PUDP: variants seen among roughly 807,000 people sequenced by gnomAD.
PUDP encodes pseudouridine 5'-phosphatase.
PUDP carries 8 observed loss-of-function variants against 9.4 expected under a neutral mutation model. The ratio of observed to expected loss-of-function variants is 0.85; its 90% CI spans 0.50 to 1.53. The LOEUF is 1.53. Among genes scored for constraint, PUDP ranks in the 40% most tolerant of loss-of-function variants. The probability of loss-of-function intolerance (pLI) is 0.00; values close to 1 mark genes in which losing one functional copy is unlikely to be tolerated. For synonymous variants in PUDP, 99 were observed against 80.7 expected (o/e 1.23, Z -1.22); for missense variants, 188 against 189.7 (o/e 0.99, Z 0.05).
chrX:6,969,694 T>G lies in PUDP; in HGVS notation c.*247+7439A>C, dbSNP rs748095410. Among the ~76,000 whole-genome samples the G allele has an allele frequency of 2.7e-5, 3 of 111,664 alleles. No homozygotes were observed. In the Admixed American group the frequency reaches 2.9e-4, roughly 11 times the overall value. On this transcript the variant is annotated intron_variant and NMD_transcript_variant, in intron 3 of 3. Coordinates refer to the PUDP transcript ENST00000655425. Reference sequence around the variant, plus strand: ...GATTTCGAAACCAGCCTGAGCAACATAGAAAGATCCAGTGTTGACAAGAAA... The same window carrying G: ...GATTTCGAAACCAGCCTGAGCAACAGAGAAAGATCCAGTGTTGACAAGAAA...
chrX:7,010,715 G>A (rs1190069290), intron 1 of PUDP, among the ~76,000 whole-genome samples: 2 of 111,482 alleles, frequency 1.8e-5, no homozygotes, highest in Admixed American at 1.9e-4. Flanking sequence ...TAATGCTATG[G>A]GGTGAGATCT....
chrX:6,865,195 A>C, intron 3 of PUDP, among the ~76,000 whole-genome samples: 1 of 111,899 alleles, frequency 8.9e-6, no homozygotes, highest in Middle Eastern at 4.6e-3. Context: ...GATCAGGGTT[A>C]TTATAGTTAG....
intron 3 of PUDP, among the ~76,000 whole-genome samples, chrX:7,071,258 C>T (rs1930722036): frequency 2.7e-5 from 3 of 111,293 alleles, no homozygotes; most frequent in African/African-American, 9.8e-5. Context: ...TAACTTTTGA[C>T]ATTACTTATT....
At chrX:6,761,106 T>C (rs996337493) in intron 3 of PUDP, among the ~76,000 whole-genome samples, 3 of 111,862 alleles carry the variant, frequency 2.7e-5, no homozygotes, top group East Asian at 2.8e-4. Flanking sequence ...TCTAACCCCA[T>C]AGCATTGTTT....
intron 1 of PUDP, among the ~76,000 whole-genome samples, chrX:7,123,869 C>T (rs1932409579): frequency 8.9e-6 from 1 of 111,927 alleles, no homozygotes; most frequent in African/African-American, 3.2e-5. Flanking sequence ...ATATATGAAC[C>T]TAACCACAGA....
chrX:7,060,587 A>G (rs769861661), intron 3 of PUDP, among the ~76,000 whole-genome samples: 1 of 112,102 alleles, frequency 8.9e-6, no homozygotes, highest in African/African-American at 3.2e-5. Context: ...AGGCATGGAC[A>G]CCTATCTTCA....
At chrX:7,001,988 A>G (rs1929331442) in intron 1 of PUDP, among the ~76,000 whole-genome samples, 1 of 111,760 alleles carries the variant, frequency 8.9e-6, no homozygotes, top group Non-Finnish European at 1.9e-5. Flanking sequence ...AACAAACTTC[A>G]GTTTGTCAAA....
intron 3 of PUDP, among the ~76,000 whole-genome samples, chrX:6,955,491 G>A (rs150742348): frequency 0.01 from 1,128 of 111,422 alleles, 17 homozygotes; most frequent in African/African-American, 0.035. Context: ...GTTTGTGTAT[G>A]CAGACACCAA....
intron 3 of PUDP, among the ~76,000 whole-genome samples, chrX:6,869,940 C>G (rs1192530284): frequency 1.8e-5 from 2 of 111,345 alleles, no homozygotes; most frequent in African/African-American, 6.5e-5. Context: ...ATCAGGGTAT[C>G]AAAAACATAT....
chrX:7,037,534 G>A (rs1344334872), intron 1 of PUDP, among the ~76,000 whole-genome samples: 1 of 111,898 alleles, frequency 8.9e-6, no homozygotes, highest in Non-Finnish European at 1.9e-5. Flanking sequence ...GGTCCACTCT[G>A]CCTGAGTCAC....
chrX:7,046,963 T>C (rs1055156891), downstream of PUDP, among the ~76,000 whole-genome samples: 6 of 112,158 alleles, frequency 5.3e-5, no homozygotes, highest in African/African-American at 1.9e-4. Flanking sequence ...TATGGGCATT[T>C]TGCAATGAAG....
intron 3 of PUDP, among the ~76,000 whole-genome samples, chrX:6,951,315 C>T (rs955713607): frequency 2.7e-5 from 3 of 110,269 alleles, no homozygotes; most frequent in African/African-American, 9.9e-5. Context: ...TCCATTATAT[C>T]TACCCATCCA....
intron 3 of PUDP, among the ~76,000 whole-genome samples, chrX:6,848,103 C>T (rs1926775303): frequency 1.8e-5 from 2 of 111,948 alleles, no homozygotes; most frequent in Non-Finnish European, 1.9e-5. Context: ...TACATCTTCA[C>T]TAAACAATTA....
At chrX:6,911,895 T>G (rs1927855714) in intron 3 of PUDP, among the ~76,000 whole-genome samples, 1 of 112,141 alleles carries the variant, frequency 8.9e-6, no homozygotes. Context: ...TGAATTCTCT[T>G]TGTTTGTCCG....
chrX:7,099,520 A>G, intron 2 of PUDP, among the ~76,000 whole-genome samples: 1 of 112,656 alleles, frequency 8.9e-6, no homozygotes, highest in African/African-American at 3.2e-5. Context: ...CTAACTGCTC[A>G]AAAGGATTTC....
At chrX:7,048,218 G>A (rs759704815), downstream of PUDP, among the ~76,000 whole-genome samples, 47 of 111,983 alleles carry the variant, frequency 4.2e-4, no homozygotes, top group Non-Finnish European at 8.1e-4. Context: ...TCCTTCCTAG[G>A]GGCACACAAT....
intron 1 of PUDP, among the ~76,000 whole-genome samples, chrX:7,026,151 G>A (rs1929706626): frequency 9.0e-6 from 1 of 111,551 alleles, no homozygotes; most frequent in Non-Finnish European, 1.9e-5. Context: ...TCTTTATCTC[G>A]ACCTTCCAAG....
At chrX:7,120,651 C>T (rs1932318099) in intron 1 of PUDP, among the ~76,000 whole-genome samples, 1 of 112,149 alleles carries the variant, frequency 8.9e-6, no homozygotes, top group Non-Finnish European at 1.9e-5. Flanking sequence ...TCAGTCCAGT[C>T]CTACATGTTT....
At chrX:7,090,893 C>A (rs1197412448) in intron 2 of PUDP, among the ~76,000 whole-genome samples, 1 of 112,420 alleles carries the variant, frequency 8.9e-6, no homozygotes, top group African/African-American at 3.2e-5. Flanking sequence ...GTTACTACCA[C>A]TGGCAAATTC....
Sources: gnomAD v4.1 joint callset for allele counts (sites outside exome capture counted in the v4.1 genomes callset) on GRCh38, gnomAD v4.1.1 for gene constraint, MANE v1.5 for transcripts, NCBI Gene and HGNC (gene_info 2026-07-23, HGNC 2026-07-21) for gene names.